SAMTOR: variants seen among roughly 807,000 people sequenced by gnomAD.
SAMTOR encodes the protein S-adenosylmethionine sensor upstream of mTORC1, also known as UPF0532 protein C7orf60.
chr7:112,832,734 G>A, the SAMTOR span: 3 of 1,109,422 alleles, frequency 2.7e-6, no homozygotes, highest in Middle Eastern at 2.1e-4. Flanking sequence ...AAATCACATA[G>A]ATTATCAGTT....
chr7:112,922,863 C>T, the SAMTOR span, among the ~76,000 whole-genome samples: 5 of 146,166 alleles, frequency 3.4e-5, no homozygotes, highest in South Asian at 4.5e-4. Context: ...CCAGCCACCC[C>T]GTCCGGGAGG....
the SAMTOR span, among the ~76,000 whole-genome samples, chr7:112,859,079 T>A: frequency 6.6e-6 from 1 of 152,126 alleles, no homozygotes; most frequent in East Asian, 1.9e-4. Context: ...AAAGACTGAG[T>A]TTGCTCCCAG....
At chr7:112,917,468 CA>C in the SAMTOR span, among the ~76,000 whole-genome samples, 5 of 152,210 alleles carry the variant, frequency 3.3e-5, no homozygotes, top group East Asian at 5.8e-4. Context: ...CATCACAGAC[CA>C]AAAGTAGATA....
At chr7:112,856,221 G>C in the SAMTOR span, among the ~76,000 whole-genome samples, 2 of 151,096 alleles carry the variant, frequency 1.3e-5, no homozygotes, top group Non-Finnish European at 3.0e-5. Context: ...TTTTAAAAAA[G>C]AAAAGTGTAT....
chr7:112,898,197 T>C, the SAMTOR span, among the ~76,000 whole-genome samples: 2 of 152,186 alleles, frequency 1.3e-5, no homozygotes, highest in Non-Finnish European at 2.9e-5. Context: ...CTGAATAAAG[T>C]GGCCCTGGGC....
chr7:112,845,234 GA>G, the SAMTOR span, among the ~76,000 whole-genome samples: 1 of 152,118 alleles, frequency 6.6e-6, no homozygotes, highest in African/African-American at 2.4e-5. Context: ...AGCAAAATTT[GA>G]CAAATGGGAT....
chr7:112,901,535 G>C, the SAMTOR span, among the ~76,000 whole-genome samples: 1 of 152,122 alleles, frequency 6.6e-6, no homozygotes, highest in Non-Finnish European at 1.5e-5. Flanking sequence ...ACTAATAATA[G>C]AAATAAAGTG....
At chr7:112,847,684 G>A in the SAMTOR span, among the ~76,000 whole-genome samples, 6 of 152,278 alleles carry the variant, frequency 3.9e-5, no homozygotes, top group East Asian at 1.9e-4. Flanking sequence ...AGGCTGAGGC[G>A]GGAGAATTGC....
the SAMTOR span, among the ~76,000 whole-genome samples, chr7:112,891,942 G>A: frequency 1.3e-5 from 2 of 152,162 alleles, no homozygotes; most frequent in East Asian, 1.9e-4. Flanking sequence ...CACATACATT[G>A]GCTGTACCTA....
the SAMTOR span, chr7:112,832,791 T>G: frequency 4.8e-6 from 3 of 620,980 alleles, no homozygotes; most frequent in Non-Finnish European, 5.7e-6. Flanking sequence ...TAAAAATTAC[T>G]GACGGCCCCA....
At chr7:112,915,257 T>G in the SAMTOR span, 1 of 1,517,296 alleles carries the variant, frequency 6.6e-7, no homozygotes, top group Admixed American at 2.2e-5. Context: ...AAAAAGAAGT[T>G]ACAACAATAC....
At chr7:112,924,802 A>G in the SAMTOR span, among the ~76,000 whole-genome samples, 1 of 113,254 alleles carries the variant, frequency 8.8e-6, no homozygotes, top group East Asian at 2.8e-4. Context: ...ATTTATTTTA[A>G]TATAATGGCC....
At chr7:112,939,769 G>A in the SAMTOR span, 5 of 1,575,950 alleles carry the variant, frequency 3.2e-6, no homozygotes, top group South Asian at 3.4e-5. Flanking sequence ...CGCCGCCGCC[G>A]CCGCCGCCCC....
At chr7:112,939,551 T>C in the SAMTOR span, 5 of 1,613,382 alleles carry the variant, frequency 3.1e-6, no homozygotes, top group South Asian at 4.4e-5. Context: ...TTGGGGGTGA[T>C]GAGGCCTCCC....
the SAMTOR span, among the ~76,000 whole-genome samples, chr7:112,851,208 C>T: frequency 8.7e-4 from 133 of 152,204 alleles, no homozygotes; most frequent in Middle Eastern, 0.014. Flanking sequence ...GTCTAAAATT[C>T]ATATGGAACC....
chr7:112,859,883 TAAA>T, the SAMTOR span, among the ~76,000 whole-genome samples: 1 of 152,146 alleles, frequency 6.6e-6, no homozygotes, highest in Non-Finnish European at 1.5e-5. Context: ...AAATGAAACT[TAAA>T]AAGTAAATAT....
chr7:112,890,509 TTA>T, the SAMTOR span, among the ~76,000 whole-genome samples: 3 of 151,958 alleles, frequency 2.0e-5, no homozygotes, highest in Admixed American at 6.6e-5. Context: ...TAACCAAAAA[TTA>T]TGAGACATGC....
chr7:112,832,663 G>A, the SAMTOR span: 1 of 1,599,816 alleles, frequency 6.3e-7, no homozygotes, highest in African/African-American at 1.3e-5. Flanking sequence ...TTTTTCCTGA[G>A]GCTTGTAGCA....
At chr7:112,826,797 A>T in the SAMTOR span, among the ~76,000 whole-genome samples, 1 of 151,980 alleles carries the variant, frequency 6.6e-6, no homozygotes, top group Non-Finnish European at 1.5e-5. Flanking sequence ...ATGCATTTTG[A>T]TATCTTGTAT....
Sources: allele counts gnomAD v4.1 joint callset (sites outside exome capture counted in the v4.1 genomes callset), GRCh38; gene constraint gnomAD v4.1.1; transcripts MANE v1.5; gene names NCBI Gene and HGNC (gene_info 2026-07-23, HGNC 2026-07-21).